The following SYT1 variants were observed in gnomAD, a reference collection of about 807,000 sequenced individuals.
SYT1 encodes synaptotagmin-1.
Under a neutral mutation model 44.8 loss-of-function variants are expected in SYT1, and 8 were observed. The ratio of observed to expected loss-of-function variants is 0.18; its 90% CI spans 0.10 to 0.32. SYT1 has a LOEUF of 0.32. Among genes scored for constraint, SYT1 ranks in the 10% least tolerant of loss-of-function variants. SYT1 has a pLI of 1.00. For missense variants in SYT1, 286 were observed against 509.3 expected, an observed-to-expected ratio of 0.56 and a Z score of 4.22; for synonymous variants, 154 against 188.8, an observed-to-expected ratio of 0.82 and a Z score of 1.51.
At chr12:79,340,488 T>A (rs970569221) in intron 8 of SYT1, among the ~76,000 whole-genome samples, 5 of 152,062 alleles carry the variant, frequency 3.3e-5, no homozygotes, top group African/African-American at 1.2e-4. Flanking sequence ...TATTGGTGTA[T>A]AAGAATGCTT....
chr12:79,292,195 A>G, intron 6 of SYT1, 65 bp downstream of exon 6: 2 of 1,554,150 alleles, frequency 1.3e-6, no homozygotes, highest in East Asian at 2.3e-5. Context: ...TAGAAATTGC[A>G]GCAAGATACC....
intron 4 of SYT1, among the ~76,000 whole-genome samples, chr12:79,221,208 T>C (rs1035535014): frequency 3.3e-5 from 5 of 152,168 alleles, no homozygotes; most frequent in African/African-American, 1.2e-4. Flanking sequence ...AACTTTTGCT[T>C]TTATTTTATT....
chr12:79,136,663 A>G (rs1466249875), intron 3 of SYT1, among the ~76,000 whole-genome samples: 1 of 152,228 alleles, frequency 6.6e-6, no homozygotes, highest in Non-Finnish European at 1.5e-5. Context: ...CATGTTACCT[A>G]AAGCACTTTT....
At chr12:78,909,268 A>G (rs1195263302) in intron 1 of SYT1, among the ~76,000 whole-genome samples, 1 of 151,976 alleles carries the variant, frequency 6.6e-6, no homozygotes, top group Non-Finnish European at 1.5e-5. Context: ...GCTATGATTT[A>G]TCATCCATTT....
chr12:78,893,814 C>T lies in SYT1; in HGVS notation c.-217+28705C>T, dbSNP rs557626945. On this transcript the variant is annotated intron_variant, in intron 1 of 10. Coordinates refer to ENST00000261205, the MANE Select transcript of SYT1 (RefSeq NM_005639.3). Reference sequence around the variant, plus strand: ...AAGTGAGTTTAATGTTTATTTTATACGGATGATTCTGCCATAACCAAGGCA... The same window carrying T: ...AAGTGAGTTTAATGTTTATTTTATATGGATGATTCTGCCATAACCAAGGCA... Among the ~76,000 whole-genome samples the T allele has an allele frequency of 1.3e-4, 19 of 151,528 alleles. No homozygotes were observed. The East Asian group carries it at 1.8e-3, about 14-fold the overall frequency.
chr12:79,016,851 T>C (rs1871839628), intron 2 of SYT1, among the ~76,000 whole-genome samples: 1 of 152,160 alleles, frequency 6.6e-6, no homozygotes, highest in African/African-American at 2.4e-5. Flanking sequence ...TGTTATTTTT[T>C]ATTTGAAATG....
chr12:79,172,101 C>G (rs564887447), intron 3 of SYT1, among the ~76,000 whole-genome samples: 2 of 151,686 alleles, frequency 1.3e-5, no homozygotes, highest in African/African-American at 4.8e-5. Flanking sequence ...TTTCCAAGTG[C>G]CTAAGTAATT....
chr12:79,432,391 G>A (rs1869849392), intron 9 of SYT1, among the ~76,000 whole-genome samples: 1 of 151,162 alleles, frequency 6.6e-6, no homozygotes, highest in Non-Finnish European at 1.5e-5. Flanking sequence ...AGGCCCCGGT[G>A]TGTGATGTTC....
chr12:79,336,971 A>C (rs1193358192), intron 8 of SYT1, among the ~76,000 whole-genome samples: 2 of 151,952 alleles, frequency 1.3e-5, no homozygotes, highest in African/African-American at 2.4e-5. Context: ...CACTGTGCCC[A>C]GCCCCTAACA....
chr12:78,907,479 C>T (rs1876058213), intron 1 of SYT1, among the ~76,000 whole-genome samples: 1 of 151,858 alleles, frequency 6.6e-6, no homozygotes. Context: ...TGGGATATCA[C>T]TTGTCTAGTT....
intron 9 of SYT1, among the ~76,000 whole-genome samples, chr12:79,415,133 A>T (rs1868652853): frequency 1.3e-5 from 2 of 152,124 alleles, no homozygotes; most frequent in Non-Finnish European, 2.9e-5. Context: ...TTATAAAAGT[A>T]ATATGTGTTT....
intron 3 of SYT1, among the ~76,000 whole-genome samples, chr12:79,073,493 A>G (rs1172248241): frequency 6.6e-6 from 1 of 152,156 alleles, no homozygotes. Context: ...TACTCCATAC[A>G]TCAGCGGGAT....
intron 9 of SYT1, among the ~76,000 whole-genome samples, chr12:79,361,969 T>C (rs1184546094): frequency 6.6e-6 from 1 of 152,186 alleles, no homozygotes; most frequent in Non-Finnish European, 1.5e-5. Context: ...CCCTTGTAAA[T>C]TGTTATGGGA....
chr12:79,321,827 T>G (rs1881374324), intron 8 of SYT1, among the ~76,000 whole-genome samples: 1 of 152,228 alleles, frequency 6.6e-6, no homozygotes, highest in Non-Finnish European at 1.5e-5. Flanking sequence ...TGGGCTAGAA[T>G]TTAAGTAACT....
At chr12:78,988,602 GAGCATTGC>G (rs1401872746) in intron 2 of SYT1, among the ~76,000 whole-genome samples, 1 of 151,918 alleles carries the variant, frequency 6.6e-6, no homozygotes, top group Non-Finnish European at 1.5e-5. Flanking sequence ...TTTCCTGGAA[GAGCATTGC>G]AGACATAAAG....
chr12:79,215,531 C>G (rs1874731930), intron 3 of SYT1, among the ~76,000 whole-genome samples: 1 of 152,106 alleles, frequency 6.6e-6, no homozygotes, highest in Non-Finnish European at 1.5e-5. Context: ...AAATTAAAAA[C>G]TTAAAAAAGA....
chr12:79,076,902 G>T (rs759402245), intron 3 of SYT1, among the ~76,000 whole-genome samples: 1 of 152,144 alleles, frequency 6.6e-6, no homozygotes, highest in Non-Finnish European at 1.5e-5. Flanking sequence ...AGACTTCCAT[G>T]CCTAGATTTC....
At chr12:79,410,506 C>CAAAAAAAAAAAAAAAA (rs5799432) in intron 9 of SYT1, among the ~76,000 whole-genome samples, 6 of 75,912 alleles carry the variant, frequency 7.9e-5, no homozygotes, top group Non-Finnish European at 1.2e-4. Context: ...TGTTCAAAGT[C>CAAAAAAAAAAAAAAAA]AAAAAAAAAA....
intron 3 of SYT1, among the ~76,000 whole-genome samples, chr12:79,154,127 A>G (rs1019136698): frequency 1.3e-5 from 2 of 152,074 alleles, no homozygotes; most frequent in Non-Finnish European, 2.9e-5. Flanking sequence ...TCATGTTACT[A>G]CTAACCTGAT....
Sources: gnomAD v4.1 joint callset for allele counts (sites outside exome capture counted in the v4.1 genomes callset) on GRCh38, gnomAD v4.1.1 for gene constraint, MANE v1.5 for transcripts, NCBI Gene and HGNC (gene_info 2026-07-23, HGNC 2026-07-21) for gene names.